The following ZNF451 variants were observed in gnomAD, a reference collection of about 807,000 sequenced individuals.
The protein encoded by ZNF451 is E3 SUMO-protein ligase ZNF451.
In ZNF451, 80 loss-of-function variants were observed where a neutral mutation model predicts 107.1. That is an observed-to-expected ratio of 0.75 (90% CI 0.62 to 0.90). The LOEUF (loss-of-function observed/expected upper bound fraction) is 0.90. ZNF451 is among the 40% of genes least tolerant of loss of function. The pLI is 0.00. For missense variants in ZNF451, 1,107 were observed against 1,236.2 expected (o/e 0.90, Z 1.57); for synonymous variants, 362 against 406.5 (o/e 0.89, Z 1.32).
At position 57,090,192 on chromosome 6, in the gene ZNF451, G is replaced by C. The variant is rs1554295432; in HGVS notation, c.-62G>C. The C allele has an allele frequency of 2.1e-5, 33 of 1,572,740 alleles. No homozygotes were observed. The South Asian group carries it at 2.7e-4, about 13-fold the overall frequency. On this transcript the variant is annotated 5_prime_UTR_variant, in exon 1 of 15. Coordinates refer to ENST00000370706, the MANE Select transcript of ZNF451 (RefSeq NM_001031623.3). Reference sequence around the variant, plus strand: ...GCGGTGCAGGGCGGGAAGGGGATTCGTGGCGACGGCGGCGGCAGGGACAGC... The same window carrying C: ...GCGGTGCAGGGCGGGAAGGGGATTCCTGGCGACGGCGGCGGCAGGGACAGC...
intron 14 of ZNF451, chr6:57,165,885 A>G (rs1184324166): frequency 6.6e-6 from 1 of 152,220 alleles, no homozygotes; most frequent in East Asian, 1.9e-4. Flanking sequence ...GTATACCTGT[A>G]TAAGGTACTT....
chr6:57,133,653 A>G (rs921876544), intron 6 of ZNF451, among the ~76,000 whole-genome samples: 8 of 152,100 alleles, frequency 5.3e-5, no homozygotes, highest in Admixed American at 3.9e-4. Flanking sequence ...CATTTTATCA[A>G]TTTACTGAGT....
intron 3 of ZNF451, among the ~76,000 whole-genome samples, chr6:57,113,109 G>T (rs189226587): frequency 6.6e-6 from 1 of 152,080 alleles, no homozygotes; most frequent in East Asian, 1.9e-4. Flanking sequence ...GGTACTAAGC[G>T]TGGTAACCGA....
intron 12 of ZNF451, 112 bp downstream of exon 12, chr6:57,152,463 T>C: frequency 8.1e-7 from 1 of 1,240,306 alleles, no homozygotes; most frequent in Non-Finnish European, 1.1e-6. Context: ...CTTCAGGTTC[T>C]ACCTATGACT....
chr6:57,115,432 C>T (rs1055877081), intron 3 of ZNF451: 2 of 152,232 alleles, frequency 1.3e-5, no homozygotes, highest in Middle Eastern at 3.4e-3. Context: ...AAAAGATAAA[C>T]GTTGTTTAGA....
chr6:57,106,349 G>T lies in ZNF451; in HGVS notation c.186+7208G>T, dbSNP rs192172003. The T allele has an allele frequency of 2.2e-3, 1,984 of 920,862 alleles. 30 individuals carry two copies. In the African/African-American group the frequency reaches 0.039, roughly 18 times the overall value. 57.0% of individuals were successfully genotyped at this position (920,862 alleles called of 1,614,324 possible). The stretch of plus-strand genomic sequence containing the variant: ...TTTTTGAGACAGTTTCGCTCTTGTT[G>T]CCCAGGCTGGAGTGCAATGGCACGA... On this transcript the variant is annotated intron_variant, in intron 3 of 14. Coordinates refer to ENST00000370706, the MANE Select transcript of ZNF451 (RefSeq NM_001031623.3).
chr6:57,123,937 A>G (rs567733239), intron 3 of ZNF451, among the ~76,000 whole-genome samples: 24 of 152,304 alleles, frequency 1.6e-4, no homozygotes, highest in African/African-American at 4.8e-4. Context: ...TGGATTTTCT[A>G]TGTGGATGCA....
At chr6:57,158,505 A>G (rs982987941) in intron 13 of ZNF451, 1 of 985,384 alleles carries the variant, frequency 1.0e-6, no homozygotes, top group Non-Finnish European at 1.2e-6. Context: ...AAATGAATAA[A>G]CACCATCTTT....
chr6:57,139,123 A>G (rs887887026), intron 7 of ZNF451, among the ~76,000 whole-genome samples: 26 of 152,142 alleles, frequency 1.7e-4, no homozygotes, highest in African/African-American at 6.3e-4. Context: ...ATCATTTAGA[A>G]TCTTCAAATT....
chr6:57,098,651 T>C (rs1358274553), intron 2 of ZNF451, among the ~76,000 whole-genome samples: 1 of 152,242 alleles, frequency 6.6e-6, no homozygotes, highest in Non-Finnish European at 1.5e-5. Context: ...GGTTTGATGC[T>C]TGACTCTGCA....
chr6:57,162,805 A>G (rs915182989), intron 14 of ZNF451, among the ~76,000 whole-genome samples: 5 of 152,170 alleles, frequency 3.3e-5, no homozygotes, highest in Admixed American at 6.5e-5. Context: ...GTGTAACTGG[A>G]TATGTACCAC....
intron 10 of ZNF451, 139 bp downstream of exon 10, chr6:57,148,832 G>T (rs978782081): frequency 1.3e-6 from 1 of 753,734 alleles, no homozygotes; most frequent in Non-Finnish European, 2.0e-6. Context: ...ACATTTTAGG[G>T]GTTTGTATTC....
intron 5 of ZNF451, among the ~76,000 whole-genome samples, chr6:57,130,624 C>T (rs184242159): frequency 6.6e-6 from 1 of 152,222 alleles, no homozygotes. Context: ...GAATGGTAGT[C>T]GGGCCAGTAA....
chr6:57,101,800 C>T (rs1476335368), intron 3 of ZNF451: 9 of 1,550,372 alleles, frequency 5.8e-6, no homozygotes, highest in East Asian at 2.4e-5. Context: ...GGCCTGGCTT[C>T]GACTTACATC....
At chr6:57,138,522 A>T (rs1562615210) in intron 7 of ZNF451, among the ~76,000 whole-genome samples, 1 of 151,320 alleles carries the variant, frequency 6.6e-6, no homozygotes, top group Non-Finnish European at 1.5e-5. Context: ...TCAGCCTCCC[A>T]AAGTGCTGGG....
intron 3 of ZNF451, chr6:57,107,521 G>A: frequency 2.0e-6 from 2 of 984,132 alleles, no homozygotes; most frequent in Non-Finnish European, 2.4e-6. Flanking sequence ...GTTCACACAA[G>A]TTTATTATAT....
intron 13 of ZNF451, among the ~76,000 whole-genome samples, chr6:57,156,243 T>C (rs16888351): frequency 0.022 from 3,418 of 152,306 alleles, 133 homozygotes; most frequent in African/African-American, 0.079. Flanking sequence ...CCAAATTTTT[T>C]CTTCATGGAA....
chr6:57,139,492 A>G (rs756545361), intron 7 of ZNF451, among the ~76,000 whole-genome samples: 1 of 152,310 alleles, frequency 6.6e-6, no homozygotes, highest in Non-Finnish European at 1.5e-5. Flanking sequence ...GCATCTCATA[A>G]GCACTACACA....
intron 3 of ZNF451, chr6:57,102,771 C>T: frequency 2.0e-6 from 2 of 985,404 alleles, no homozygotes; most frequent in Non-Finnish European, 1.2e-6. Flanking sequence ...ATTATGGACA[C>T]CAACTGGAAA....
Sources: gnomAD v4.1 joint callset for allele counts (sites outside exome capture counted in the v4.1 genomes callset) on GRCh38, gnomAD v4.1.1 for gene constraint, MANE v1.5 for transcripts, NCBI Gene and HGNC (gene_info 2026-07-23, HGNC 2026-07-21) for gene names.